The following PSEN1 variants were observed in gnomAD, a reference collection of about 807,000 sequenced individuals.
PSEN1 encodes presenilin 1.
A neutral mutation model predicts 53.5 loss-of-function variants in PSEN1; 15 were observed. That is an observed-to-expected ratio of 0.28 (90% confidence interval 0.19 to 0.43). PSEN1 has a LOEUF of 0.43. Among genes scored for constraint, PSEN1 ranks in the 20% least tolerant of loss-of-function variants. The pLI, the probability that PSEN1 is intolerant of heterozygous loss-of-function variation, is 1.00. For missense variants in PSEN1, 387 were observed against 571.2 expected (o/e 0.68, Z 3.29); for synonymous variants, 208 against 209.8 (o/e 0.99, Z 0.08).
At chr14:73,217,742 A>G (rs1899971477) in intron 11 of PSEN1, among the ~76,000 whole-genome samples, 1 of 151,924 alleles carries the variant, frequency 6.6e-6, no homozygotes, top group South Asian at 2.1e-4. Context: ...ATGACCCCAC[A>G]TAGATCTTGC....
intron 3 of PSEN1, among the ~76,000 whole-genome samples, chr14:73,155,715 C>T (rs918720816): frequency 6.6e-6 from 1 of 151,580 alleles, no homozygotes; most frequent in Non-Finnish European, 1.5e-5. Context: ...GCTGGGGTCT[C>T]GTTATGTTGC....
intron 5 of PSEN1, among the ~76,000 whole-genome samples, chr14:73,178,043 C>T (rs938846942): frequency 3.9e-5 from 6 of 152,026 alleles, no homozygotes; most frequent in South Asian, 4.2e-4. Flanking sequence ...CTCAGCCTCC[C>T]AAAGTGCTGG....
chr14:73,148,994 A>T (rs559538102), intron 3 of PSEN1, among the ~76,000 whole-genome samples: 1 of 152,140 alleles, frequency 6.6e-6, no homozygotes, highest in Non-Finnish European at 1.5e-5. Context: ...GAGAGAGAGC[A>T]TGGATGTCCT....
At chr14:73,206,184 A>T (rs1028461071) in intron 8 of PSEN1, 12 of 595,670 alleles carry the variant, frequency 2.0e-5, no homozygotes, top group African/African-American at 3.7e-5. Flanking sequence ...TGAGTACTAC[A>T]GTAAACATTC....
At chr14:73,168,646 C>CT (rs370996267) in intron 3 of PSEN1, 99 of 152,416 alleles carry the variant, frequency 6.5e-4, no homozygotes, top group African/African-American at 2.1e-3. Flanking sequence ...CATACCATCC[C>CT]TTTTTCAACT....
chr14:73,200,923 C>T (rs1899154445), intron 8 of PSEN1, among the ~76,000 whole-genome samples: 1 of 151,974 alleles, frequency 6.6e-6, no homozygotes, highest in Non-Finnish European at 1.5e-5. Flanking sequence ...TGGTGGTGCA[C>T]ACTTGTAATC....
At chr14:73,186,756 G>A (rs957646228) in intron 5 of PSEN1, 97 bp from the exon 6 acceptor site, 14 of 1,012,846 alleles carry the variant, frequency 1.4e-5, no homozygotes, top group African/African-American at 3.2e-5. Context: ...CAGTCTGGGC[G>A]ACAAAGTGAG....
At chr14:73,163,942 A>T (rs78265930) in intron 3 of PSEN1, among the ~76,000 whole-genome samples, 2 of 152,150 alleles carry the variant, frequency 1.3e-5, no homozygotes, top group Admixed American at 1.3e-4. Flanking sequence ...AAAAAAAAAA[A>T]TCATCCTGGC....
At chr14:73,201,075 T>TTTTGTTTGTTTG (rs78560838) in intron 8 of PSEN1, among the ~76,000 whole-genome samples, 12 of 150,838 alleles carry the variant, frequency 8.0e-5, no homozygotes, top group African/African-American at 2.9e-4. Context: ...GAGAATATCT[T>TTTTGTTTGTTTG]TTTGTTTGTT....
intron 3 of PSEN1, among the ~76,000 whole-genome samples, chr14:73,164,666 A>G (rs1897653542): frequency 6.6e-6 from 1 of 152,246 alleles, no homozygotes. Flanking sequence ...GTCTGACCCC[A>G]GAACTTGGGC....
In PSEN1 at chr14:73,197,812, AT is replaced by A. The variant is rs1899015368; in HGVS notation, c.770-214del. On this transcript the variant is annotated intron_variant, in intron 7 of 11. Transcript: ENST00000324501. ...CAAATAGCAGTCAAACCCAAATGAAATTTTTACAGATGTTCTGTGTCATTTT... is the reference window on the plus strand; with the variant it reads ...CAAATAGCAGTCAAACCCAAATGAAATTTTACAGATGTTCTGTGTCATTTT... 41 of 550,888 alleles carry A rather than the reference AT, an allele frequency of 7.4e-5. 1 individual carries two copies. In the South Asian group the frequency reaches 8.4e-4, roughly 11 times the overall value. 34.1% of individuals were successfully genotyped at this position (550,888 alleles called of 1,614,324 possible).
At chr14:73,145,519 A>G (rs1197517649) in intron 1 of PSEN1, among the ~76,000 whole-genome samples, 3 of 150,850 alleles carry the variant, frequency 2.0e-5, no homozygotes, top group Non-Finnish European at 4.4e-5. Context: ...TTGTATTTTT[A>G]GTAGAAACAG....
At chr14:73,150,894 C>T (rs1452059094) in intron 3 of PSEN1, among the ~76,000 whole-genome samples, 1 of 151,896 alleles carries the variant, frequency 6.6e-6, no homozygotes. Flanking sequence ...GGTGAAACCC[C>T]GTCTCTACTA....
At chr14:73,206,056 A>G (rs983605579) in intron 8 of PSEN1, 1 of 302,624 alleles carries the variant, frequency 3.3e-6, no homozygotes, top group African/African-American at 2.2e-5. Context: ...TGGAATTTAG[A>G]ACATTCAACT....
At chr14:73,193,628 G>A (rs955829196) in intron 7 of PSEN1, among the ~76,000 whole-genome samples, 29 of 149,732 alleles carry the variant, frequency 1.9e-4, no homozygotes, top group Non-Finnish European at 3.1e-4. Context: ...TTTTTTAAAC[G>A]ATTTTTTTCC....
chr14:73,158,211 T>C (rs1897418727), intron 3 of PSEN1, among the ~76,000 whole-genome samples: 2 of 152,138 alleles, frequency 1.3e-5, no homozygotes. Flanking sequence ...GGCATATGCT[T>C]TAATTTATCT....
intron 3 of PSEN1, 128 bp downstream of exon 3, chr14:73,148,234 T>A: frequency 1.3e-6 from 1 of 781,684 alleles, no homozygotes; most frequent in Admixed American, 2.0e-5. Flanking sequence ...ATATATTTGG[T>A]GAACTTCAGC....
chr14:73,216,231 T>C (rs55812918), intron 10 of PSEN1, among the ~76,000 whole-genome samples: 209 of 152,198 alleles, frequency 1.4e-3, no homozygotes, highest in Middle Eastern at 3.4e-3. Context: ...AAAAGGCAAA[T>C]TTATTGAGAT....
rs1025821228 is a variant in PSEN1, at chr14:73,162,899, G to A, written c.88-7898G>A. 1.2e-4 allele frequency among the ~76,000 whole-genome samples: 19 copies of A among 152,130 alleles called. 1 individual carries two copies. Among genetic ancestry groups the A allele is most frequent in the Admixed American group, 1.1e-3 (17 of 15,276 alleles). ...GAAACTAGGTATATATTAAGAGGGA[G>A]CTTTTGTACTCTATACCTTTTAATA... On this transcript the variant is annotated intron_variant, in intron 3 of 11. Coordinates refer to ENST00000324501, the MANE Select transcript of PSEN1 (RefSeq NM_000021.4).
Sources: allele counts gnomAD v4.1 joint callset (sites outside exome capture counted in the v4.1 genomes callset), GRCh38; gene constraint gnomAD v4.1.1; transcripts MANE v1.5; gene names NCBI Gene and HGNC (gene_info 2026-07-23, HGNC 2026-07-21).